MCF2L: variants seen among roughly 807,000 people sequenced by gnomAD.
The protein encoded by MCF2L is guanine nucleotide exchange factor DBS.
Under a neutral mutation model 153.4 loss-of-function variants are expected in MCF2L, and 97 were observed. That is an observed-to-expected ratio of 0.63 (90% CI 0.54 to 0.75). The LOEUF (loss-of-function observed/expected upper bound fraction) is 0.75, where lower values mean the gene tolerates loss of function less well. MCF2L is among the 30% of genes least tolerant of loss of function. MCF2L has a pLI of 0.00. For missense variants in MCF2L, 1,347 were observed against 1,495.2 expected, an observed-to-expected ratio of 0.90 and a Z score of 1.64; for synonymous variants, 659 against 632.2, an observed-to-expected ratio of 1.04 and a Z score of -0.64.
intron 16 of MCF2L, 66 bp downstream of exon 16, chr13:113,081,345 C>A: frequency 6.9e-7 from 1 of 1,444,156 alleles, no homozygotes; most frequent in Non-Finnish European, 9.4e-7. Context: ...GTGGGGCTTC[C>A]TCTGACAACT....
At chr13:113,086,272 C>A in intron 21 of MCF2L, 23 bp downstream of exon 21, 2 of 1,606,828 alleles carry the variant, frequency 1.2e-6, no homozygotes, top group Non-Finnish European at 1.7e-6. Flanking sequence ...GATGCCCGGT[C>A]TTCCCCGCCG....
Position 113,086,138 on chromosome 13 carries a change from C to A in MCF2L, c.2262C>A (p.Tyr754Ter). The A allele has an allele frequency of 6.2e-7, 1 of 1,608,346 alleles. No homozygotes were observed. Among genetic ancestry groups the A allele is most frequent in the Non-Finnish European group, 8.5e-7 (1 of 1,177,606 alleles). ...ATGCCCCTCAGGAAATGCTGAAATA[C>A]AGCAGGAACTGCGAGGGGGCTGAGG... ...YQLLLKEMLK[Y>*]SRNCEGAEDL... Residue 754 changes from tyrosine (Y) to a stop codon, truncating the protein, a stop_gained, in exon 21 of 30, where the codon TAC becomes TAA. Transcript: ENST00000535094. LOFTEE classifies it high-confidence loss of function.
At chr13:112,957,711 G>A (rs2081775774) in intron 2 of MCF2L, 1 of 151,942 alleles carries the variant, frequency 6.6e-6, no homozygotes. Context: ...CATTTTCATG[G>A]GTTTTTATAA....
At chr13:112,895,631 T>TG (rs2081059809) in intron 1 of MCF2L, among the ~76,000 whole-genome samples, 2 of 152,008 alleles carry the variant, frequency 1.3e-5, no homozygotes, top group African/African-American at 4.8e-5. Flanking sequence ...CGTGGGTAGC[T>TG]GGGGGGACGG....
At chr13:113,091,343 G>T in intron 26 of MCF2L, 1 of 593,506 alleles carries the variant, frequency 1.7e-6, no homozygotes. Flanking sequence ...TGTGTTCAAT[G>T]TGTGATGCTC....
chr13:112,934,555 A>ATGCTGCTGCTGCTGC lies in MCF2L; in HGVS notation c.169+32196_169+32210dup, dbSNP rs61222550. 1.5e-3 allele frequency among the ~76,000 whole-genome samples: 228 copies of ATGCTGCTGCTGCTGC among 147,468 alleles called. 2 individuals carry two copies. Among genetic ancestry groups the ATGCTGCTGCTGCTGC allele is most frequent in the Middle Eastern group, 0.014 (4 of 286 alleles). Reference sequence around the variant, plus strand: ...CCAAGAGTGTGCAGATTTCCAGGGGATGCTGCTGCTGCTGCTGCTGCTGCT... The same window carrying ATGCTGCTGCTGCTGC: ...CCAAGAGTGTGCAGATTTCCAGGGGATGCTGCTGCTGCTGCTGCTGCTGCTGCTGCTGCTGCTGCT... On this transcript the variant is annotated intron_variant, in intron 2 of 29. Transcript: ENST00000375608.
Position 113,074,928 on chromosome 13 carries a change from C to T in MCF2L, c.1117-70C>T, listed in dbSNP as rs955205466. The stretch of plus-strand genomic sequence containing the variant: ...CACGTGTGCCCCGGGACACACATCC[C>T]GTACAGCAAGGCACTGTGTGCCTCG... On this transcript the variant is annotated intron_variant, in intron 10 of 29. Coordinates refer to ENST00000535094, the MANE Select transcript of MCF2L (RefSeq NM_001112732.3). This position sits in a 1 kb window ranked among gnomAD's most constrained non-coding sequence, Gnocchi z 4.2. 15 of 1,381,132 alleles carry T rather than the reference C, an allele frequency of 1.1e-5. No individual in the cohort carries two copies. In the East Asian group the frequency reaches 2.5e-4, roughly 23 times the overall value. The allele number at this position is 1,381,132 out of a possible 1,614,324, so 85.6% of individuals were successfully genotyped here.
intron 1 of MCF2L, among the ~76,000 whole-genome samples, chr13:112,988,945 A>G (rs567501914): frequency 2.9e-5 from 4 of 135,832 alleles, no homozygotes; most frequent in South Asian, 2.4e-4. Flanking sequence ...TGAGCAGGAC[A>G]TGGAGCTATC....
At chr13:112,958,360 C>T (rs963905642) in intron 2 of MCF2L, among the ~76,000 whole-genome samples, 8 of 152,204 alleles carry the variant, frequency 5.3e-5, no homozygotes, top group African/African-American at 1.4e-4. Flanking sequence ...TCCGCTTCTC[C>T]GGGGGACCCT....
chr13:112,996,790 G>T (rs1005329043), intron 1 of MCF2L, among the ~76,000 whole-genome samples: 22 of 152,214 alleles, frequency 1.4e-4, no homozygotes, highest in African/African-American at 5.3e-4. Flanking sequence ...CCTGAGTCCT[G>T]ATGGCTGGCA....
At chr13:112,899,889 T>C (rs1471438812) in intron 1 of MCF2L, among the ~76,000 whole-genome samples, 6 of 152,156 alleles carry the variant, frequency 3.9e-5, no homozygotes, top group Non-Finnish European at 8.8e-5. Context: ...TATCTTGAGA[T>C]CAAGTGGTTA....
At chr13:113,092,005 C>G (rs543096699) in intron 26 of MCF2L, among the ~76,000 whole-genome samples, 267 of 152,336 alleles carry the variant, frequency 1.8e-3, no homozygotes, top group Non-Finnish European at 2.9e-3. Flanking sequence ...GGGAGCTGGC[C>G]CGGCGTTACT....
At chr13:113,094,350 G>A (rs1433893411) in intron 26 of MCF2L, 164 bp from the exon 27 acceptor site, 3 of 589,878 alleles carry the variant, frequency 5.1e-6, no homozygotes, top group Non-Finnish European at 5.5e-6. Flanking sequence ...GTTTGCAGGG[G>A]TGTCCTGCTC....
intron 1 of MCF2L, chr13:112,985,324 G>T: frequency 2.2e-6 from 1 of 455,904 alleles, no homozygotes. Context: ...CCTGTTACAA[G>T]GAGAGGGTTG....
upstream of MCF2L, chr13:112,965,814 G>T (rs1370225670): frequency 3.9e-5 from 6 of 152,158 alleles, no homozygotes; most frequent in African/African-American, 1.4e-4. Flanking sequence ...CCCTCCTGGG[G>T]CGCCTCTGGT....
At chr13:112,974,301 T>C (rs183047518) in intron 1 of MCF2L, among the ~76,000 whole-genome samples, 97 of 152,254 alleles carry the variant, frequency 6.4e-4, no homozygotes, top group Middle Eastern at 3.4e-3. Flanking sequence ...GCCCCTTGCG[T>C]GGCTGACTTC....
At chr13:112,979,232 A>C (rs1249942195) in intron 1 of MCF2L, 7 of 735,086 alleles carry the variant, frequency 9.5e-6, no homozygotes, top group Non-Finnish European at 1.2e-5. Context: ...TGAGGCCTGG[A>C]AGGTGTTTTT....
chr13:112,931,050 C>T (rs539066257), intron 2 of MCF2L, among the ~76,000 whole-genome samples: 37 of 152,322 alleles, frequency 2.4e-4, no homozygotes, highest in East Asian at 3.9e-4. Context: ...AGCCAGGACG[C>T]GCCTCTCACC....
In MCF2L at chr13:112,929,669, C is replaced by T. The variant is rs543512965; in HGVS notation, c.169+27298C>T. 2.0e-5 allele frequency among the ~76,000 whole-genome samples: 3 copies of T among 152,346 alleles called. No individual in the cohort carries two copies. In the East Asian group the frequency reaches 5.8e-4, roughly 29 times the overall value. On this transcript the variant is annotated intron_variant, in intron 2 of 29. Transcript: ENST00000375608. ...AGCTCCAGACCCTGGCCCCTTACCG[C>T]TGGCCACAGCATCCTGAGCACCCTG...
Sources: gnomAD v4.1 joint callset for allele counts (sites outside exome capture counted in the v4.1 genomes callset) on GRCh38, gnomAD v4.1.1 for gene constraint, Gnocchi (gnomAD v3.1) non-coding constraint, MANE v1.5 for transcripts, NCBI Gene and HGNC (gene_info 2026-07-23, HGNC 2026-07-21) for gene names.